POLR3B: variants seen among roughly 807,000 people sequenced by gnomAD.
The protein encoded by POLR3B is RNA polymerase III subunit B, also known as DNA-directed RNA polymerase III subunit RPC2.
In POLR3B, 96 loss-of-function variants were observed where a neutral mutation model predicts 147.4. The ratio of observed to expected loss-of-function variants is 0.65; its 90% CI spans 0.55 to 0.77. POLR3B has a LOEUF of 0.77. Among genes scored for constraint, POLR3B ranks in the 30% least tolerant of loss-of-function variants. POLR3B has a pLI of 0.00. For missense variants in POLR3B, 1,036 were observed against 1,413.5 expected (o/e 0.73, Z 4.28); for synonymous variants, 461 against 485.9 (o/e 0.95, Z 0.67).
chr12:106,456,558 G>C (rs1313896738), intron 20 of POLR3B, among the ~76,000 whole-genome samples: 2 of 152,076 alleles, frequency 1.3e-5, no homozygotes, highest in Non-Finnish European at 2.9e-5. Flanking sequence ...TGTTGGCTTA[G>C]AACTTGCTCT....
rs1023340665 is a variant in POLR3B, at chr12:106,371,440, T to C, written c.404+1757T>C. Among the ~76,000 whole-genome samples, 8 of 152,134 alleles carry C rather than the reference T, an allele frequency of 5.3e-5. No homozygotes were observed. The East Asian group carries it at 5.8e-4, about 11-fold the overall frequency. ...TTGACCCAGCCATCCCATTACTGGG[T>C]ATATACCCAAAGGACTATAAATCAT... On this transcript the variant is annotated intron_variant, in intron 6 of 27. Coordinates refer to ENST00000228347, the MANE Select transcript of POLR3B (RefSeq NM_018082.6).
At chr12:106,466,230 G>T (rs56112923) in intron 23 of POLR3B, among the ~76,000 whole-genome samples, 1 of 152,042 alleles carries the variant, frequency 6.6e-6, no homozygotes, top group African/African-American at 2.4e-5. Context: ...TCATATGTCT[G>T]TTGGCTGCAT....
At chr12:106,498,959 G>A (rs996284572) in intron 25 of POLR3B, among the ~76,000 whole-genome samples, 2 of 152,164 alleles carry the variant, frequency 1.3e-5, no homozygotes, top group Non-Finnish European at 2.9e-5. Flanking sequence ...TTTTAGTGCT[G>A]CAAATAGATT....
chr12:106,482,829 G>A (rs1338394405), intron 23 of POLR3B, among the ~76,000 whole-genome samples: 1 of 152,090 alleles, frequency 6.6e-6, no homozygotes, highest in African/African-American at 2.4e-5. Context: ...ATTAAATAAA[G>A]GATTTTACAT....
chr12:106,462,342 G>A (rs917336052), intron 22 of POLR3B, among the ~76,000 whole-genome samples: 1 of 152,194 alleles, frequency 6.6e-6, no homozygotes, highest in African/African-American at 2.4e-5. Flanking sequence ...CCACCTCCTG[G>A]ATTCAAGCGA....
intron 6 of POLR3B, among the ~76,000 whole-genome samples, chr12:106,371,212 A>T (rs2036601906): frequency 6.6e-6 from 1 of 152,242 alleles, no homozygotes; most frequent in South Asian, 2.1e-4. Context: ...TGGCTATCAG[A>T]GAAATGCAAA....
chr12:106,496,426 T>C, intron 24 of POLR3B: 1 of 607,536 alleles, frequency 1.6e-6, no homozygotes, highest in Non-Finnish European at 2.9e-6. Flanking sequence ...GAGAATCCCT[T>C]GTCTTGAACC....
Position 106,496,919 on chromosome 12 carries a change from G to A in POLR3B, c.2984+1G>A, listed in dbSNP as rs1284886859. On this transcript the variant is annotated splice_donor_variant, in intron 25 of 27. Transcript: ENST00000228347. LOFTEE classifies it high-confidence loss of function. ...ACTATGTTACATCCGGCATCACAGG[G>A]TAAGCATGCGATTGAGCTATTTTAA... 2 of 1,613,424 alleles carry A rather than the reference G, an allele frequency of 1.2e-6. No individual in the cohort carries two copies. Among genetic ancestry groups the A allele is most frequent in the South Asian group, 1.1e-5 (1 of 91,068 alleles).
intron 25 of POLR3B, among the ~76,000 whole-genome samples, chr12:106,499,240 G>GT (rs2038555106): frequency 2.0e-5 from 3 of 151,926 alleles, no homozygotes; most frequent in Admixed American, 2.0e-4. Flanking sequence ...CACATTTTTG[G>GT]CCAGGTGTTG....
At position 106,368,310 on chromosome 12, in the gene POLR3B, G is replaced by A. The variant is rs146253923; in HGVS notation, c.228-965G>A. Among the ~76,000 whole-genome samples, 4 of 152,044 alleles carry A rather than the reference G, an allele frequency of 2.6e-5. No homozygotes were observed. The East Asian group carries it at 7.7e-4, about 29-fold the overall frequency. On this transcript the variant is annotated intron_variant, in intron 4 of 27. Transcript: ENST00000228347. ...TTAGATTCCAAGACATGGACACTAA[G>A]ATTTCAGCAGGTAGAGCTCAGAAAT...
intron 18 of POLR3B, among the ~76,000 whole-genome samples, chr12:106,442,559 T>C (rs1211205697): frequency 2.6e-5 from 4 of 152,126 alleles, no homozygotes; most frequent in Non-Finnish European, 5.9e-5. Flanking sequence ...ACAGTACTCT[T>C]CAAACCAAGA....
At chr12:106,409,133 T>G (rs2037187517) in intron 11 of POLR3B, among the ~76,000 whole-genome samples, 2 of 152,174 alleles carry the variant, frequency 1.3e-5, no homozygotes, top group South Asian at 4.1e-4. Flanking sequence ...ATTTTTCTCA[T>G]TAACAAGAAA....
chr12:106,424,174 A>C lies in POLR3B; in HGVS notation c.1102-3023A>C, dbSNP rs563847143. ...CAGCCCTCATGGTGTCTTTTAACAT[A>C]TATATATATTCCTCTCCCTCCTAAA... On this transcript the variant is annotated intron_variant, in intron 12 of 27. Coordinates refer to ENST00000228347, the MANE Select transcript of POLR3B (RefSeq NM_018082.6). Among the ~76,000 whole-genome samples, 640 of 151,546 alleles carry C rather than the reference A, an allele frequency of 4.2e-3. 7 individuals carry two copies. The highest frequency in any genetic ancestry group is 0.015 in the African/African-American group (602 of 41,244).
At chr12:106,470,119 T>C (rs1382316264) in intron 23 of POLR3B, among the ~76,000 whole-genome samples, 1 of 152,210 alleles carries the variant, frequency 6.6e-6, no homozygotes, top group African/African-American at 2.4e-5. Flanking sequence ...TTTCACGTAG[T>C]CGCATATTTC....
At position 106,510,046 on chromosome 12, in the gene POLR3B, C is replaced by T. The variant is rs2038750978; in HGVS notation, c.*497C>T. On this transcript the variant is annotated 3_prime_UTR_variant, in exon 28 of 28. Transcript: ENST00000228347. ...CAATTAAATCTTGCCTTTACACACC[C>T]AAACTTTGTAATTTTAGTCTTGGTG... 5.9e-6 allele frequency: 1 copy of T among 170,556 alleles called. No homozygotes were observed. Among genetic ancestry groups the T allele is most frequent in the Non-Finnish European group, 1.3e-5 (1 of 78,766 alleles). The allele number at this position is 170,556 out of a possible 1,614,324, so 10.6% of individuals were successfully genotyped here. A position where few individuals can be genotyped will look rare whatever the true frequency, so the allele number is the denominator to read the frequency against.
chr12:106,498,782 C>T (rs1163555432), intron 25 of POLR3B, among the ~76,000 whole-genome samples: 2 of 152,168 alleles, frequency 1.3e-5, no homozygotes, highest in East Asian at 1.9e-4. Flanking sequence ...GACGAGGTTT[C>T]GCCAAGTTGG....
intron 1 of POLR3B, 183 bp downstream of exon 1, chr12:106,358,134 GTGAA>G: frequency 4.5e-6 from 4 of 898,462 alleles, no homozygotes; most frequent in African/African-American, 6.9e-5. Context: ...GCGTGCGCGA[GTGAA>G]GGCTGATCCC....
intron 25 of POLR3B, among the ~76,000 whole-genome samples, chr12:106,498,056 G>A (rs972652077): frequency 6.6e-6 from 1 of 152,214 alleles, no homozygotes; most frequent in Admixed American, 6.5e-5. Flanking sequence ...ATTGAAAAAA[G>A]GAATGCAGAC....
intron 12 of POLR3B, among the ~76,000 whole-genome samples, chr12:106,422,498 C>A (rs939601046): frequency 6.6e-6 from 1 of 152,208 alleles, no homozygotes; most frequent in Admixed American, 6.5e-5. Flanking sequence ...CAGACTAATA[C>A]AGTGCTCTTT....
Sources: gnomAD v4.1 joint callset for allele counts (sites outside exome capture counted in the v4.1 genomes callset) on GRCh38, gnomAD v4.1.1 for gene constraint, MANE v1.5 for transcripts, NCBI Gene and HGNC (gene_info 2026-07-23, HGNC 2026-07-21) for gene names.